Variants in OSTF1 observed in about 807,000 individuals in gnomAD.
OSTF1 encodes the protein osteoclast stimulating factor 1, also known as osteoclast-stimulating factor 1.
A neutral mutation model predicts 37.2 loss-of-function variants in OSTF1; 27 were observed. That is an observed-to-expected ratio of 0.73 (90% confidence interval 0.54 to 1.00). The LOEUF is 1.00. Ranked by LOEUF, OSTF1 falls within the 50% of genes least tolerant of loss-of-function variation. The pLI is 0.00. For synonymous variants in OSTF1, 82 were observed against 89.2 expected, an observed-to-expected ratio of 0.92 and a Z score of 0.46; for missense variants, 232 against 253.8, an observed-to-expected ratio of 0.91 and a Z score of 0.58.
At chr9:75,138,284 A>G (rs997719786) in intron 8 of OSTF1, among the ~76,000 whole-genome samples, 1 of 152,300 alleles carries the variant, frequency 6.6e-6, no homozygotes, top group Middle Eastern at 3.4e-3. Context: ...CTCATTAGGG[A>G]TCCTCAGAGC....
intron 2 of OSTF1, among the ~76,000 whole-genome samples, chr9:75,118,203 A>G (rs907407405): frequency 3.9e-5 from 6 of 152,198 alleles, no homozygotes; most frequent in African/African-American, 1.4e-4. Context: ...GTTAATGGAG[A>G]AAAGAGTGCT....
At chr9:75,125,896 A>G (rs1286510169) in intron 2 of OSTF1, among the ~76,000 whole-genome samples, 1 of 152,160 alleles carries the variant, frequency 6.6e-6, no homozygotes, top group Admixed American at 6.5e-5. Flanking sequence ...GAAATATTTT[A>G]TTTTTAATTT....
At chr9:75,111,001 G>A (rs1038387114) in intron 1 of OSTF1, among the ~76,000 whole-genome samples, 1 of 152,108 alleles carries the variant, frequency 6.6e-6, no homozygotes, top group African/African-American at 2.4e-5. Flanking sequence ...TTACAGGTGT[G>A]AGCCACCGTG....
chr9:75,099,061 C>T (rs143221768), intron 1 of OSTF1, among the ~76,000 whole-genome samples: 40 of 152,134 alleles, frequency 2.6e-4, no homozygotes, highest in African/African-American at 8.2e-4. Context: ...CTCAGCCTCC[C>T]GAGTAGCTGG....
intron 4 of OSTF1, 79 bp from the exon 5 acceptor site, chr9:75,131,691 C>A: frequency 1.0e-6 from 1 of 1,000,190 alleles, no homozygotes; most frequent in Non-Finnish European, 1.6e-6. Flanking sequence ...AGCTGGGGGA[C>A]TGTGGTGAAT....
intron 9 of OSTF1, among the ~76,000 whole-genome samples, chr9:75,146,156 A>C (rs1443100504): frequency 6.6e-6 from 1 of 152,226 alleles, no homozygotes; most frequent in Non-Finnish European, 1.5e-5. Context: ...TTGCTTGAAC[A>C]TTTGATGGGG....
chr9:75,117,559 T>G lies in OSTF1; in HGVS notation c.81+9T>G. ...CGTTTGAACCCAGAACTGTAAGTGT[T>G]CAGTTTTTAACTTCTAAAATTGACA... On this transcript the variant is annotated intron_variant, in intron 2 of 9. Transcript: ENST00000346234. The G allele has an allele frequency of 6.3e-7, 1 of 1,595,022 alleles. No homozygotes were observed. The highest frequency in any genetic ancestry group is 8.6e-7 in the Non-Finnish European group (1 of 1,163,322).
Position 75,130,616 on chromosome 9 carries a change from G to T in OSTF1, c.171G>T (p.Arg57Ser). ...TNWWKGTSKG[R>S]TGLIPSNYVA... ...GGTGGAAAGGCACCTCCAAAGGCAG[G>T]ACTGGACTAATTCCAAGCAACTATG... Residue 57 changes from arginine (R) to serine (S), a missense_variant, in exon 4 of 10, where the codon AGG becomes AGT. Coordinates refer to ENST00000346234, the MANE Select transcript of OSTF1 (RefSeq NM_012383.5). 6.2e-7 allele frequency: 1 copy of T among 1,612,088 alleles called. No homozygotes were observed. The highest frequency in any genetic ancestry group is 1.3e-5 in the African/African-American group (1 of 74,986).
At chr9:75,089,698 T>C (rs1461924608) in intron 1 of OSTF1, among the ~76,000 whole-genome samples, 1 of 152,218 alleles carries the variant, frequency 6.6e-6, no homozygotes, top group Admixed American at 6.5e-5. Context: ...TCTTGGGTTT[T>C]TTCTTCCCAT....
chr9:75,110,997 G>A (rs1191881341), intron 1 of OSTF1, among the ~76,000 whole-genome samples: 2 of 152,098 alleles, frequency 1.3e-5, no homozygotes, highest in African/African-American at 2.4e-5. Context: ...GGGATTACAG[G>A]TGTGAGCCAC....
chr9:75,144,007 C>T (rs1460030120), intron 9 of OSTF1, among the ~76,000 whole-genome samples: 4 of 152,128 alleles, frequency 2.6e-5, no homozygotes, highest in African/African-American at 9.7e-5. Context: ...GCAGAAGTAA[C>T]CATCCAAGGA....
intron 2 of OSTF1, among the ~76,000 whole-genome samples, chr9:75,122,797 C>T (rs546343268): frequency 2.0e-5 from 3 of 152,258 alleles, no homozygotes; most frequent in East Asian, 3.9e-4. Flanking sequence ...ATGCCCAGAC[C>T]AGTACGTGGC....
At position 75,120,102 on chromosome 9, in the gene OSTF1, C is replaced by T. The variant is rs530260694; in HGVS notation, c.81+2552C>T. Among the ~76,000 whole-genome samples the T allele has an allele frequency of 3.9e-5, 6 of 152,250 alleles. No individual in the cohort carries two copies. In the South Asian group the frequency reaches 1.2e-3, roughly 32 times the overall value. ...AGATGCTCTTCAACTTATGATGAAC[C>T]CAATAAACTCATTGTAAGACAAAAA... On this transcript the variant is annotated intron_variant, in intron 2 of 9. Transcript: ENST00000346234.
chr9:75,106,052 C>T (rs1363191549), intron 1 of OSTF1, among the ~76,000 whole-genome samples: 2 of 152,182 alleles, frequency 1.3e-5, no homozygotes, highest in Non-Finnish European at 2.9e-5. Flanking sequence ...GAAATCAAGA[C>T]ATGTTTCAAA....
At chr9:75,121,082 T>G (rs1436843920) in intron 2 of OSTF1, among the ~76,000 whole-genome samples, 1 of 152,212 alleles carries the variant, frequency 6.6e-6, no homozygotes, top group Non-Finnish European at 1.5e-5. Flanking sequence ...GCTCCACTTC[T>G]TGAGCAGCTG....
intron 2 of OSTF1, among the ~76,000 whole-genome samples, chr9:75,121,089 G>C (rs1174457198): frequency 2.6e-5 from 4 of 152,194 alleles, no homozygotes; most frequent in African/African-American, 9.7e-5. Context: ...TTCTTGAGCA[G>C]CTGTGTGACC....
In OSTF1 at chr9:75,139,376, T is replaced by C. The variant is rs117993535; in HGVS notation, c.488-1458T>C. Among the ~76,000 whole-genome samples the C allele has an allele frequency of 2.1e-3, 316 of 152,190 alleles. 10 individuals are homozygous for C. The East Asian group carries it at 0.032, about 16-fold the overall frequency. On this transcript the variant is annotated intron_variant, in intron 8 of 9. Coordinates refer to ENST00000346234, the MANE Select transcript of OSTF1 (RefSeq NM_012383.5). ...AGGGGAAGTGGTTGCAAAAAAAATA[T>C]GATACTTTCCTACACTGTGGCAGAA...
chr9:75,137,345 A>G (rs765010503), intron 7 of OSTF1, among the ~76,000 whole-genome samples, 193 bp from the exon 8 acceptor site: 1 of 151,712 alleles, frequency 6.6e-6, no homozygotes, highest in Non-Finnish European at 1.5e-5. Flanking sequence ...ATCCTATTCC[A>G]TCTCCCAAAA....
chr9:75,104,095 C>T (rs1283279796), intron 1 of OSTF1, among the ~76,000 whole-genome samples: 1 of 152,018 alleles, frequency 6.6e-6, no homozygotes. Flanking sequence ...AAAAGTAGCC[C>T]AGCCCCAGTG....
Sources: allele counts gnomAD v4.1 joint callset (sites outside exome capture counted in the v4.1 genomes callset), GRCh38; gene constraint gnomAD v4.1.1; transcripts MANE v1.5; gene names NCBI Gene and HGNC (gene_info 2026-07-23, HGNC 2026-07-21).